The following SMCO4 variants were observed in gnomAD, a reference collection of about 807,000 sequenced individuals.
The protein encoded by SMCO4 is single-pass membrane and coiled-coil domain-containing protein 4.
SMCO4 carries 4 observed loss-of-function variants against 3.6 expected under a neutral mutation model. That is an observed-to-expected ratio of 1.11 (90% confidence interval 0.54 to 2.53). The LOEUF (loss-of-function observed/expected upper bound fraction) is 2.53. Ranked by LOEUF, SMCO4 falls within the 30% of genes most tolerant of loss-of-function variation. The pLI is 0.02. For synonymous variants in SMCO4, 36 were observed against 35.3 expected, an observed-to-expected ratio of 1.02 and a Z score of -0.07; for missense variants, 70 against 80.8, an observed-to-expected ratio of 0.87 and a Z score of 0.51.
intron 2 of SMCO4, among the ~76,000 whole-genome samples, chr11:93,493,902 C>A (rs1421720572): frequency 1.3e-5 from 2 of 152,138 alleles, no homozygotes; most frequent in South Asian, 2.1e-4. Flanking sequence ...CTCCTAGATA[C>A]CACCCCTCTC....
chr11:93,478,922 A>T lies in SMCO4; in HGVS notation c.*88T>A. 2 of 1,484,770 alleles carry T rather than the reference A, an allele frequency of 1.3e-6. No individual in the cohort carries two copies. Among genetic ancestry groups the T allele is most frequent in the Non-Finnish European group, 1.8e-6 (2 of 1,117,726 alleles). 92.0% of individuals were successfully genotyped at this position (1,484,770 alleles called of 1,614,324 possible). A position where few individuals can be genotyped will look rare whatever the true frequency, so the allele number is the denominator to read the frequency against. Reference sequence around the variant, plus strand: ...CTGCTTACAGCTCAGCAACATGAACATCTCTGAATATGAAAGCCATTTTTT... The same window carrying T: ...CTGCTTACAGCTCAGCAACATGAACTTCTCTGAATATGAAAGCCATTTTTT... On this transcript the variant is annotated 3_prime_UTR_variant, in exon 3 of 3. Coordinates refer to ENST00000298966, the MANE Select transcript of SMCO4 (RefSeq NM_020179.3).
chr11:93,529,568 G>C (rs952164296), intron 1 of SMCO4, among the ~76,000 whole-genome samples: 2 of 152,116 alleles, frequency 1.3e-5, no homozygotes, highest in African/African-American at 4.8e-5. Context: ...ACAGCCCAGA[G>C]AGAGTCTGAA....
chr11:93,537,000 A>G (rs79065621), intron 1 of SMCO4, among the ~76,000 whole-genome samples: 2,580 of 152,350 alleles, frequency 0.017, 87 homozygotes, highest in African/African-American at 0.059. Flanking sequence ...CAAGGAAAAC[A>G]TCTGTAAAAG....
At chr11:93,489,522 CCA>C (rs1948690099) in intron 2 of SMCO4, among the ~76,000 whole-genome samples, 1 of 152,086 alleles carries the variant, frequency 6.6e-6, no homozygotes, top group Non-Finnish European at 1.5e-5. Context: ...CAGTTGGAGG[CCA>C]CACAGCTTGA....
chr11:93,542,114 GA>G (rs11417314), intron 1 of SMCO4, among the ~76,000 whole-genome samples: 2 of 148,566 alleles, frequency 1.3e-5, no homozygotes, highest in African/African-American at 2.5e-5. Context: ...TTGTAAAGGG[GA>G]AAAAAAAAAA....
At chr11:93,523,555 A>G (rs1050652093) in intron 1 of SMCO4, among the ~76,000 whole-genome samples, 1 of 152,010 alleles carries the variant, frequency 6.6e-6, no homozygotes, top group East Asian at 1.9e-4. Flanking sequence ...GCTATTCCGG[A>G]GGCAGAGACA....
chr11:93,510,564 T>C (rs545083087), intron 1 of SMCO4, among the ~76,000 whole-genome samples: 115 of 152,310 alleles, frequency 7.6e-4, no homozygotes, highest in Non-Finnish European at 1.3e-3. Flanking sequence ...TGTAGGCTTG[T>C]ATGCTGTTAC....
intron 1 of SMCO4, among the ~76,000 whole-genome samples, chr11:93,511,272 C>G (rs1948954528): frequency 6.6e-6 from 1 of 152,170 alleles, no homozygotes; most frequent in Non-Finnish European, 1.5e-5. Context: ...TCCTTCACCT[C>G]CCACAGCTAA....
intron 1 of SMCO4, among the ~76,000 whole-genome samples, chr11:93,509,410 A>G (rs1948938169): frequency 6.6e-6 from 1 of 152,200 alleles, no homozygotes. Context: ...CAGTGTGGAG[A>G]TTCCTTAAAG....
At chr11:93,535,200 T>C (rs1949207315) in intron 1 of SMCO4, among the ~76,000 whole-genome samples, 1 of 152,166 alleles carries the variant, frequency 6.6e-6, no homozygotes. Flanking sequence ...AAATGTCCTA[T>C]TACCATAACT....
At chr11:93,496,637 G>A (rs988988858) in intron 2 of SMCO4, among the ~76,000 whole-genome samples, 1 of 152,130 alleles carries the variant, frequency 6.6e-6, no homozygotes, top group African/African-American at 2.4e-5. Context: ...AATTCAAGGT[G>A]GGCACAACCA....
chr11:93,483,612 AGGTTC>A (rs1473519556), intron 2 of SMCO4, among the ~76,000 whole-genome samples: 1 of 152,184 alleles, frequency 6.6e-6, no homozygotes, highest in Non-Finnish European at 1.5e-5. Flanking sequence ...AGCTCTACAC[AGGTTC>A]CTGTCCTCAG....
At chr11:93,538,665 G>C (rs540767572) in intron 1 of SMCO4, among the ~76,000 whole-genome samples, 2 of 152,218 alleles carry the variant, frequency 1.3e-5, no homozygotes, top group East Asian at 1.9e-4. Flanking sequence ...CCTGCACATA[G>C]TCAGCATCTC....
chr11:93,502,272 G>A (rs559737828), intron 1 of SMCO4, among the ~76,000 whole-genome samples: 9 of 152,232 alleles, frequency 5.9e-5, no homozygotes, highest in African/African-American at 1.9e-4. Flanking sequence ...TGCTATTGAA[G>A]TCCCTGTAAA....
intron 1 of SMCO4, among the ~76,000 whole-genome samples, chr11:93,504,464 A>G (rs1431231182): frequency 6.6e-6 from 1 of 152,256 alleles, no homozygotes; most frequent in African/African-American, 2.4e-5. Flanking sequence ...GTGCATTCCC[A>G]GAGCTCATCC....
intron 1 of SMCO4, among the ~76,000 whole-genome samples, chr11:93,513,003 G>C (rs1037617329): frequency 4.6e-5 from 7 of 152,188 alleles, no homozygotes; most frequent in Non-Finnish European, 1.0e-4. Flanking sequence ...GGCCCGAGAG[G>C]TGTGGGGAAA....
the SMCO4 span, among the ~76,000 whole-genome samples, chr11:93,550,672 T>A: frequency 1.3e-5 from 2 of 152,106 alleles, no homozygotes; most frequent in South Asian, 4.1e-4. Flanking sequence ...GACCCTGAAT[T>A]TTTTTTATTT....
At chr11:93,492,286 G>A (rs981829135) in intron 2 of SMCO4, among the ~76,000 whole-genome samples, 21 of 152,112 alleles carry the variant, frequency 1.4e-4, no homozygotes, top group Admixed American at 4.6e-4. Context: ...CACCTACCAC[G>A]TGCCACAAGC....
At chr11:93,518,716 T>C (rs1034403346) in intron 1 of SMCO4, among the ~76,000 whole-genome samples, 1 of 152,206 alleles carries the variant, frequency 6.6e-6, no homozygotes, top group Non-Finnish European at 1.5e-5. Flanking sequence ...AGAAAAGATA[T>C]GTAATTCTAC....
Sources: allele counts gnomAD v4.1 joint callset (sites outside exome capture counted in the v4.1 genomes callset), GRCh38; gene constraint gnomAD v4.1.1; transcripts MANE v1.5; gene names NCBI Gene and HGNC (gene_info 2026-07-23, HGNC 2026-07-21).